Variants in ZNF609 observed in about 807,000 individuals in gnomAD.
ZNF609 encodes the protein zinc finger protein 609.
In ZNF609, 11 loss-of-function variants were observed where a neutral mutation model predicts 109.5. The observed-to-expected ratio is 0.10, with a 90% CI of 0.06 to 0.17. ZNF609 has a LOEUF of 0.17. Among genes scored for constraint, ZNF609 ranks in the 10% least tolerant of loss-of-function variants. The pLI, the probability that ZNF609 is intolerant of heterozygous loss-of-function variation, is 1.00. For synonymous variants in ZNF609, 646 were observed against 662.0 expected, an observed-to-expected ratio of 0.98 and a Z score of 0.37; for missense variants, 1,559 against 1,772.4, an observed-to-expected ratio of 0.88 and a Z score of 2.16.
intron 2 of ZNF609, among the ~76,000 whole-genome samples, chr15:64,621,498 T>C (rs574781456): frequency 3.3e-5 from 5 of 152,274 alleles, no homozygotes; most frequent in African/African-American, 1.2e-4. Flanking sequence ...TACAGGCATA[T>C]GCCACCACAC....
chr15:64,530,885 A>G (rs893006327), intron 2 of ZNF609, among the ~76,000 whole-genome samples: 1 of 152,244 alleles, frequency 6.6e-6, no homozygotes, highest in African/African-American at 2.4e-5. Context: ...GTTGTTTATC[A>G]GCTGCTTTCA....
At chr15:64,614,191 G>A (rs1316419091) in intron 2 of ZNF609, among the ~76,000 whole-genome samples, 1 of 150,540 alleles carries the variant, frequency 6.6e-6, no homozygotes, top group Admixed American at 6.6e-5. Flanking sequence ...AAAGTGCTGG[G>A]ATTACAGGTG....
chr15:64,525,491 G>C (rs1893956846), intron 2 of ZNF609, among the ~76,000 whole-genome samples: 1 of 152,164 alleles, frequency 6.6e-6, no homozygotes, highest in Non-Finnish European at 1.5e-5. Context: ...TTTGTAGTAA[G>C]TGTTGAGAAT....
chr15:64,599,990 C>T (rs1378629340), intron 2 of ZNF609, among the ~76,000 whole-genome samples: 1 of 152,140 alleles, frequency 6.6e-6, no homozygotes, highest in African/African-American at 2.4e-5. Context: ...TTGTTCACTT[C>T]TGTTATGATT....
At chr15:64,554,830 C>T (rs1595716681) in intron 2 of ZNF609, among the ~76,000 whole-genome samples, 1 of 152,046 alleles carries the variant, frequency 6.6e-6, no homozygotes, top group South Asian at 2.1e-4. Flanking sequence ...GGTGTGGTGG[C>T]TCACACCTGT....
intron 3 of ZNF609, among the ~76,000 whole-genome samples, chr15:64,643,267 GC>G (rs1896288739): frequency 6.6e-6 from 1 of 152,106 alleles, no homozygotes; most frequent in African/African-American, 2.4e-5. Context: ...GCAGGCGTGA[GC>G]CACCACACCT....
chr15:64,666,131 C>G (rs1896645334), intron 3 of ZNF609, among the ~76,000 whole-genome samples: 1 of 150,084 alleles, frequency 6.7e-6, no homozygotes, highest in Non-Finnish European at 1.5e-5. Flanking sequence ...GGCCTAGTGA[C>G]TACTGTAATC....
intron 1 of ZNF609, among the ~76,000 whole-genome samples, chr15:64,488,104 G>A (rs757707564): frequency 6.6e-6 from 1 of 152,188 alleles, no homozygotes; most frequent in Non-Finnish European, 1.5e-5. Flanking sequence ...GGAATACGCA[G>A]AAATGGTTAG....
At chr15:64,491,508 ACCTTGTGGGT>A (rs1305144184) in intron 1 of ZNF609, among the ~76,000 whole-genome samples, 8 of 152,162 alleles carry the variant, frequency 5.3e-5, no homozygotes, top group South Asian at 4.1e-4. Context: ...GGGATCAACA[ACCTTGTGGGT>A]TAGAACAACT....
chr15:64,569,250 A>AGTTTCTTGTTT lies in ZNF609; in HGVS notation c.748-53573_748-53563dup, dbSNP rs1293569143. ...ATTGTGGCATTTATTCCTCTTAGAT[A>AGTTTCTTGTTT]GTTTCTTGTTTGTTATGGGCTTACT... On this transcript the variant is annotated intron_variant, in intron 2 of 9. Coordinates refer to ENST00000326648, the MANE Select transcript of ZNF609 (RefSeq NM_015042.2). Among the ~76,000 whole-genome samples the AGTTTCTTGTTT allele has an allele frequency of 4.0e-4, 61 of 152,216 alleles. 1 individual carries two copies. Among genetic ancestry groups the AGTTTCTTGTTT allele is most frequent in the Admixed American group, 3.1e-3 (47 of 15,288 alleles).
At position 64,641,349 on chromosome 15, in the gene ZNF609, C is replaced by T. The variant is rs1222682820; in HGVS notation, c.973+18297C>T. The stretch of plus-strand genomic sequence containing the variant: ...TCTCCTGCTTCAGTCTCCCGAGTAG[C>T]TGGGATTACAGGCATGCACCACCAC... On this transcript the variant is annotated intron_variant, in intron 3 of 9. Transcript: ENST00000326648. Among the ~76,000 whole-genome samples the T allele has an allele frequency of 2.7e-5, 4 of 150,716 alleles. No homozygotes were observed. The Admixed American group carries it at 2.7e-4, about 10-fold the overall frequency.
At chr15:64,668,363 A>G (rs980438341) in intron 3 of ZNF609, among the ~76,000 whole-genome samples, 1 of 152,236 alleles carries the variant, frequency 6.6e-6, no homozygotes, top group African/African-American at 2.4e-5. Flanking sequence ...CAGACCAGCC[A>G]TGGGTCACAA....
chr15:64,467,874 A>G (rs184785486), intron 1 of ZNF609, among the ~76,000 whole-genome samples: 1 of 152,000 alleles, frequency 6.6e-6, no homozygotes, highest in East Asian at 1.9e-4. Context: ...GCCTTAAGTA[A>G]CCCCTGTACT....
chr15:64,670,712 C>G (rs1896713162), intron 4 of ZNF609, among the ~76,000 whole-genome samples: 1 of 151,190 alleles, frequency 6.6e-6, no homozygotes, highest in African/African-American at 2.4e-5. Flanking sequence ...AACCCCGTCT[C>G]TACTAAAAAT....
intron 4 of ZNF609, chr15:64,671,434 T>A (rs1489377038): frequency 6.6e-6 from 1 of 152,126 alleles, no homozygotes; most frequent in Non-Finnish European, 1.5e-5. Context: ...TAAAGTCACC[T>A]TGAGACCAAA....
intron 2 of ZNF609, among the ~76,000 whole-genome samples, chr15:64,556,673 T>C (rs1207898817): frequency 6.6e-6 from 1 of 152,180 alleles, no homozygotes; most frequent in East Asian, 1.9e-4. Context: ...ATAATGCCAG[T>C]GTATTTAGTC....
chr15:64,581,025 A>C (rs993679752), intron 2 of ZNF609, among the ~76,000 whole-genome samples: 2 of 65,556 alleles, frequency 3.1e-5, no homozygotes, highest in Non-Finnish European at 5.8e-5. Context: ...TTATTTTTAA[A>C]TTTTTTTAGA....
chr15:64,577,984 C>G (rs558641126), intron 2 of ZNF609, among the ~76,000 whole-genome samples: 1 of 150,474 alleles, frequency 6.6e-6, no homozygotes, highest in African/African-American at 2.4e-5. Context: ...GTGAAACCCA[C>G]CCCCCTTCCC....
chr15:64,675,844 C>A lies in ZNF609; in HGVS notation c.2990C>A (p.Thr997Asn). Residue 997 changes from threonine to asparagine, a missense_variant, in exon 5 of 10, where the codon ACT becomes AAT. Transcript: ENST00000326648. ...DQSYHTHLLS[T>N]NTAYRQQYEE... Reference sequence around the variant, plus strand: ...AGTTACCACACCCACCTTCTGAGCACTAACACGGCTTACCGGCAGCAGTAC... The same window carrying A: ...AGTTACCACACCCACCTTCTGAGCAATAACACGGCTTACCGGCAGCAGTAC... 2 of 1,614,232 alleles carry A rather than the reference C, an allele frequency of 1.2e-6. No homozygotes were observed. Among genetic ancestry groups the A allele is most frequent in the Non-Finnish European group, 1.7e-6 (2 of 1,180,044 alleles).
Sources: gnomAD v4.1 joint callset for allele counts (sites outside exome capture counted in the v4.1 genomes callset) on GRCh38, gnomAD v4.1.1 for gene constraint, MANE v1.5 for transcripts, NCBI Gene and HGNC (gene_info 2026-07-23, HGNC 2026-07-21) for gene names.